NOC2L: variants seen among roughly 807,000 people sequenced by gnomAD.
The protein encoded by NOC2L is nucleolar complex protein 2 homolog.
In NOC2L, 101 loss-of-function variants were observed where a neutral mutation model predicts 94.2. That is an observed-to-expected ratio of 1.07 (90% confidence interval 0.91 to 1.26). The LOEUF (loss-of-function observed/expected upper bound fraction) is 1.26, where lower values mean the gene tolerates loss of function less well. Ranked by LOEUF, NOC2L falls within the 50% of genes most tolerant of loss-of-function variation. NOC2L has a pLI of 0.00. For synonymous variants in NOC2L, 531 were observed against 413.4 expected, an observed-to-expected ratio of 1.28 and a Z score of -3.45; for missense variants, 1,076 against 980.1, an observed-to-expected ratio of 1.10 and a Z score of -1.31.
chr1:958,742 G>A (rs1169857162), intron 2 of NOC2L, 187 bp downstream of exon 2: 9 of 722,032 alleles, frequency 1.2e-5, no homozygotes, highest in African/African-American at 3.5e-5. Flanking sequence ...CCCTGCCTAG[G>A]ACAGAGTTTG....
chr1:956,608 G>A (rs1312762036), intron 4 of NOC2L, among the ~76,000 whole-genome samples: 8 of 152,152 alleles, frequency 5.3e-5, no homozygotes, highest in African/African-American at 1.9e-4. Context: ...GGAGTGGGGC[G>A]CCAACAGAGC....
At chr1:948,646 G>A (rs1425017224) in intron 12 of NOC2L, 43 bp from the exon 13 acceptor site, 10 of 787,142 alleles carry the variant, frequency 1.3e-5, no homozygotes, top group Non-Finnish European at 1.6e-5. Flanking sequence ...CCCATGCCTG[G>A]TCACCCTGGC....
intron 14 of NOC2L, 123 bp from the exon 15 acceptor site, chr1:946,668 A>T: frequency 5.0e-6 from 6 of 1,192,764 alleles, no homozygotes; most frequent in Non-Finnish European, 7.1e-6. Context: ...CATGGATCCC[A>T]TCTCAGGGCT....
In NOC2L at chr1:959,032, A is replaced by C. The variant is rs529239702; in HGVS notation, c.76T>G (p.Ser26Ala). ...TTTTCGGACTCGGATTCGGACTCGG[A>C]GTCAAAGCCCGAAGCTAGGAACTCG... ...VDEFLASGFDSESESESENSP... is the reference protein window; with the variant it reads ...VDEFLASGFDAESESESENSP... The change falls in exon 2 of 19, where the codon TCC becomes GCC. Residue 26 changes from serine (S) to alanine (A), a missense_variant. Physicochemically the swap from Ser to Ala is moderately conservative, Grantham distance 99. Coordinates refer to ENST00000327044, the MANE Select transcript of NOC2L (RefSeq NM_015658.4). 3 of 1,612,016 alleles carry C rather than the reference A, an allele frequency of 1.9e-6. No individual in the cohort carries two copies. In the Admixed American group the frequency reaches 5.0e-5, roughly 27 times the overall value.
intron 1 of NOC2L, 41 bp from the exon 2 acceptor site, chr1:959,122 C>T (rs746591887): frequency 1.2e-5 from 19 of 1,610,302 alleles, no homozygotes; most frequent in Non-Finnish European, 1.6e-5. Context: ...GCACGCCCAG[C>T]TCGCCCCAGC....
intron 1 of NOC2L, 60 bp downstream of exon 1, chr1:959,155 G>C: frequency 6.2e-7 from 1 of 1,612,004 alleles, no homozygotes; most frequent in Non-Finnish European, 8.5e-7. Flanking sequence ...AGCAAGAAAA[G>C]CCCCCTTGGA....
intron 4 of NOC2L, among the ~76,000 whole-genome samples, 181 bp downstream of exon 4, chr1:956,713 A>G (rs1642413192): frequency 6.6e-6 from 1 of 152,208 alleles, no homozygotes; most frequent in Admixed American, 6.5e-5. Flanking sequence ...GAAGGCTCCA[A>G]GCGTCCCCTG....
intron 14 of NOC2L, 68 bp from the exon 15 acceptor site, chr1:946,613 G>A: frequency 6.4e-7 from 1 of 1,568,446 alleles, no homozygotes; most frequent in Non-Finnish European, 8.7e-7. Flanking sequence ...CCCAGGTCCT[G>A]TGCAAAACCA....
At position 952,004 on chromosome 1, in the gene NOC2L, T is replaced by C. The variant is rs1171002567; in HGVS notation, c.1327A>G (p.Ile443Val). The C allele has an allele frequency of 3.1e-6, 5 of 1,611,980 alleles. No individual in the cohort carries two copies. Among genetic ancestry groups the C allele is most frequent in the South Asian group, 2.2e-5 (2 of 90,982 alleles). The change falls in exon 11 of 19, where the codon ATC becomes GTC. Residue 443 changes from isoleucine to valine, a missense_variant. Transcript: ENST00000327044. The stretch of plus-strand genomic sequence containing the variant: ...CCTGCCCACCCCACAACTCACTTGA[T>C]ACAGCCAATGATGACTTGGGCAAGG... ...YPLAQVIIGC[I>V]KLIPTARFYP...
chr1:946,041 C>T (rs879278820), intron 16 of NOC2L, 132 bp downstream of exon 16: 2 of 693,484 alleles, frequency 2.9e-6, no homozygotes, highest in Non-Finnish European at 4.9e-6. Flanking sequence ...CTCTCCAAGT[C>T]GAATCATCCG....
chr1:944,885 G>A (rs777952777), intron 18 of NOC2L, 85 bp from the exon 19 acceptor site: 20 of 1,302,304 alleles, frequency 1.5e-5, no homozygotes, highest in East Asian at 4.7e-5. Flanking sequence ...AATTAATCAC[G>A]GCACTAATTA....
chr1:949,106 C>A (rs1372410783), intron 12 of NOC2L, among the ~76,000 whole-genome samples: 1 of 152,136 alleles, frequency 6.6e-6, no homozygotes, highest in African/African-American at 2.4e-5. Flanking sequence ...GCCTGGGGGG[C>A]CCCTCCCACA....
intron 12 of NOC2L, among the ~76,000 whole-genome samples, 168 bp from the exon 13 acceptor site, chr1:948,771 T>G (rs1185307274): frequency 7.1e-5 from 1 of 14,124 alleles, no homozygotes; most frequent in Non-Finnish European, 2.5e-4. Flanking sequence ...AAACAAGAGA[T>G]AAGCAGCTAG....
intron 11 of NOC2L, among the ~76,000 whole-genome samples, chr1:951,706 G>A (rs1237027741): frequency 6.6e-6 from 1 of 152,236 alleles, no homozygotes; most frequent in Non-Finnish European, 1.5e-5. Context: ...CCCACGTAAT[G>A]AACCAAACTC....
rs1569951201 is a variant in NOC2L, at chr1:954,822, G to C, written c.699-740C>G. On this transcript the variant is annotated intron_variant, in intron 6 of 18. Transcript: ENST00000327044. The stretch of plus-strand genomic sequence containing the variant: ...GGGCGACAGAGCAAGATCCTATCTC[G>C]TAAGGAAAAAAAAAAACCAAAAACC... Among the ~76,000 whole-genome samples, 3 of 150,904 alleles carry C rather than the reference G, an allele frequency of 2.0e-5. 1 individual carries two copies. In the South Asian group the frequency reaches 6.2e-4, roughly 31 times the overall value.
At chr1:948,330 G>A (rs1642171321) in intron 13 of NOC2L, 98 bp from the exon 14 acceptor site, 2 of 1,149,050 alleles carry the variant, frequency 1.7e-6, no homozygotes, top group East Asian at 2.6e-5. Context: ...GCCATCTCCA[G>A]GGCACGGACT....
intron 15 of NOC2L, 54 bp from the exon 16 acceptor site, chr1:946,340 T>C: frequency 6.2e-7 from 1 of 1,611,876 alleles, no homozygotes; most frequent in Non-Finnish European, 8.5e-7. Context: ...AACCCCCACA[T>C]GTAGCTGGGG....
chr1:957,866 C>G (rs1373826521), intron 2 of NOC2L: 1 of 157,022 alleles, frequency 6.4e-6, no homozygotes, highest in African/African-American at 2.4e-5. Flanking sequence ...CCCTTCTGGG[C>G]TCATCTACCC....
In NOC2L at chr1:952,558, G is replaced by T; in HGVS notation, c.1045C>A (p.Pro349Thr). Residue 349 changes from proline (P) to threonine (T), a missense_variant, in exon 10 of 19, where the codon CCT (proline) becomes ACT (threonine). By Grantham distance (38) the Pro-to-Thr change is conservative. Around this residue, in one of 3 missense-constraint regions of NOC2L, gnomAD observed 615 missense variants for 577.4 expected, o/e 1.07. Coordinates refer to ENST00000327044, the MANE Select transcript of NOC2L (RefSeq NM_015658.4). ...TYVRNCKFTS[P>T]GALPFISFMQ... ...AAACTGATGAAGGGGAGGGCACCAGGCGAGGTGAACTTGCAGTTCCTCACA... is the reference window on the plus strand; with the variant it reads ...AAACTGATGAAGGGGAGGGCACCAGTCGAGGTGAACTTGCAGTTCCTCACA... 6.2e-7 allele frequency: 1 copy of T among 1,613,900 alleles called. No individual in the cohort carries two copies. Among genetic ancestry groups the T allele is most frequent in the Non-Finnish European group, 8.5e-7 (1 of 1,180,028 alleles).
Sources: allele counts gnomAD v4.1 joint callset (sites outside exome capture counted in the v4.1 genomes callset), GRCh38; gene constraint gnomAD v4.1.1; regional missense constraint gnomAD v4.1.1; transcripts MANE v1.5; gene names NCBI Gene and HGNC (gene_info 2026-07-23, HGNC 2026-07-21).